Variants in CADM2 observed in about 807,000 individuals in gnomAD.
The protein encoded by CADM2 is immunoglobulin superfamily member 4D.
A neutral mutation model predicts 49.8 loss-of-function variants in CADM2; 12 were observed. The observed-to-expected ratio is 0.24, with a 90% confidence interval of 0.15 to 0.39. The LOEUF (loss-of-function observed/expected upper bound fraction) is 0.39. CADM2 is among the 10% of genes least tolerant of loss of function. CADM2 has a pLI of 1.00. For synonymous variants in CADM2, 214 were observed against 175.4 expected (o/e 1.22, Z -1.74); for missense variants, 378 against 492.3 (o/e 0.77, Z 2.20).
chr3:85,678,773 G>C (rs1197052075), intron 1 of CADM2, among the ~76,000 whole-genome samples: 2 of 152,118 alleles, frequency 1.3e-5, no homozygotes, highest in Non-Finnish European at 2.9e-5. Flanking sequence ...TTATTCATTA[G>C]ATGACTCTTA....
Position 85,300,407 on chromosome 3 carries a change from A to T in CADM2, c.61+340739A>T, listed in dbSNP as rs150032367. Among the ~76,000 whole-genome samples, 11 of 152,234 alleles carry T rather than the reference A, an allele frequency of 7.2e-5. No homozygotes were observed. In the East Asian group the frequency reaches 2.1e-3, roughly 29 times the overall value. On this transcript the variant is annotated intron_variant, in intron 1 of 9. Coordinates refer to ENST00000383699, the MANE Select transcript of CADM2 (RefSeq NM_001167675.2). ...TTAAAAATCATATTATATGAAAGGC[A>T]TTTTTATGAGTTTTTACTTGGATGC...
chr3:85,367,686 A>G (rs1033851640), intron 1 of CADM2, among the ~76,000 whole-genome samples: 3 of 152,010 alleles, frequency 2.0e-5, no homozygotes, highest in Admixed American at 1.3e-4. Flanking sequence ...ACAGGCATAC[A>G]ATGCTACTAT....
intron 2 of CADM2, among the ~76,000 whole-genome samples, chr3:85,787,173 G>A (rs1354119755): frequency 6.6e-6 from 1 of 152,006 alleles, no homozygotes; most frequent in Non-Finnish European, 1.5e-5. Flanking sequence ...CCATTTTAGA[G>A]TGGAAGTAAA....
chr3:85,725,828 T>C (rs2067677217), intron 1 of CADM2, among the ~76,000 whole-genome samples: 2 of 152,182 alleles, frequency 1.3e-5, no homozygotes, highest in African/African-American at 4.8e-5. Flanking sequence ...TTATTTGGCT[T>C]TGTAGAACTG....
chr3:85,292,808 A>G (rs969950423), intron 1 of CADM2, among the ~76,000 whole-genome samples: 2 of 152,320 alleles, frequency 1.3e-5, no homozygotes, highest in African/African-American at 2.4e-5. Flanking sequence ...AGGGAAATTT[A>G]TAGCAGTAAA....
chr3:85,704,151 G>C (rs1194293847), intron 1 of CADM2, among the ~76,000 whole-genome samples: 1 of 152,100 alleles, frequency 6.6e-6, no homozygotes, highest in Non-Finnish European at 1.5e-5. Flanking sequence ...TCAAGTGTTT[G>C]ATTTTTTGTT....
At chr3:85,030,197 CACTT>C (rs2034917758) in intron 1 of CADM2, among the ~76,000 whole-genome samples, 1 of 152,178 alleles carries the variant, frequency 6.6e-6, no homozygotes, top group Non-Finnish European at 1.5e-5. Flanking sequence ...CCTCTTGAAA[CACTT>C]AGACAATTCA....
intron 1 of CADM2, among the ~76,000 whole-genome samples, chr3:85,606,472 A>C (rs932149261): frequency 1.3e-5 from 2 of 152,128 alleles, no homozygotes; most frequent in African/African-American, 2.4e-5. Context: ...TATACTATAA[A>C]AACATATGCA....
intron 5 of CADM2, among the ~76,000 whole-genome samples, chr3:85,898,933 T>TTG (rs1324542733): frequency 0.038 from 2,433 of 63,494 alleles, 233 homozygotes; most frequent in African/African-American, 0.07. Flanking sequence ...AATTCATTTA[T>TTG]TGTGTATATA....
chr3:85,082,594 A>G (rs1225958865), intron 1 of CADM2, among the ~76,000 whole-genome samples: 1 of 152,098 alleles, frequency 6.6e-6, no homozygotes, highest in Non-Finnish European at 1.5e-5. Flanking sequence ...ACATTTCTTG[A>G]CCTGTGACAT....
At chr3:85,681,331 T>C (rs937396158) in intron 1 of CADM2, among the ~76,000 whole-genome samples, 1 of 152,262 alleles carries the variant, frequency 6.6e-6, no homozygotes, top group South Asian at 2.1e-4. Context: ...ATTAAATTAA[T>C]ATAGAGAGAT....
chr3:85,954,041 T>A (rs958439850), intron 7 of CADM2, among the ~76,000 whole-genome samples: 3 of 150,954 alleles, frequency 2.0e-5, no homozygotes, highest in African/African-American at 7.3e-5. Flanking sequence ...AGCCTAAATT[T>A]TAATAAGTAA....
Position 85,923,534 on chromosome 3 carries a change from A to C in CADM2, c.700+10991A>C, listed in dbSNP as rs9868988. Reference sequence around the variant, plus strand: ...TCTGAGTTCTCAATTGATATCATGAAAGCAAAAAAAAAAAACAACAAAACA... The same window carrying C: ...TCTGAGTTCTCAATTGATATCATGACAGCAAAAAAAAAAAACAACAAAACA... On this transcript the variant is annotated intron_variant, in intron 6 of 9. Transcript: ENST00000383699. Among the ~76,000 whole-genome samples the C allele has an allele frequency of 3.3e-3, 388 of 117,306 alleles. 1 individual carries two copies. Among genetic ancestry groups the C allele is most frequent in the African/African-American group, 0.013 (375 of 29,216 alleles). 77.0% of individuals were successfully genotyped at this position (117,306 alleles called of 152,430 possible). A position where few individuals can be genotyped will look rare whatever the true frequency, so the allele number is the denominator to read the frequency against.
intron 6 of CADM2, among the ~76,000 whole-genome samples, chr3:85,919,492 A>G (rs1559742352): frequency 6.6e-6 from 1 of 151,858 alleles, no homozygotes; most frequent in Non-Finnish European, 1.5e-5. Context: ...GAAATATATC[A>G]TATATATTTA....
intron 1 of CADM2, among the ~76,000 whole-genome samples, chr3:85,452,962 C>T (rs2037820058): frequency 6.6e-6 from 1 of 152,050 alleles, no homozygotes; most frequent in Non-Finnish European, 1.5e-5. Context: ...GAAAAATATA[C>T]ACACACACAC....
intron 2 of CADM2, among the ~76,000 whole-genome samples, chr3:85,751,286 G>A (rs2068848498): frequency 2.0e-5 from 3 of 152,134 alleles, no homozygotes; most frequent in African/African-American, 7.2e-5. Context: ...CAAACCAGTT[G>A]TAGGTTGAGC....
At chr3:85,010,649 C>T (rs952591525) in intron 1 of CADM2, among the ~76,000 whole-genome samples, 2 of 151,852 alleles carry the variant, frequency 1.3e-5, no homozygotes, top group African/African-American at 2.4e-5. Context: ...AGACTTCTTG[C>T]CTGGGCTTTA....
chr3:85,313,316 T>C (rs1165701185), intron 1 of CADM2, among the ~76,000 whole-genome samples: 4 of 152,230 alleles, frequency 2.6e-5, no homozygotes, highest in African/African-American at 9.6e-5. Context: ...ATTTATTTAT[T>C]TTATCCCAAT....
intron 3 of CADM2, among the ~76,000 whole-genome samples, chr3:85,819,682 A>G (rs1020626481): frequency 9.9e-5 from 15 of 152,180 alleles, no homozygotes; most frequent in African/African-American, 3.4e-4. Context: ...TAATAGTCAT[A>G]TTAATTCACT....
Sources: gnomAD v4.1 joint callset for allele counts (sites outside exome capture counted in the v4.1 genomes callset) on GRCh38, gnomAD v4.1.1 for gene constraint, MANE v1.5 for transcripts, NCBI Gene and HGNC (gene_info 2026-07-23, HGNC 2026-07-21) for gene names.